KCNH8: variants seen among roughly 807,000 people sequenced by gnomAD.
KCNH8 encodes potassium voltage-gated channel subfamily H member 8, also known as voltage-gated delayed rectifier potassium channel KCNH8.
KCNH8 carries 70 observed loss-of-function variants against 103.6 expected under a neutral mutation model. The observed-to-expected ratio is 0.68, with a 90% CI of 0.56 to 0.82. The LOEUF (loss-of-function observed/expected upper bound fraction) is 0.82, where lower values mean the gene tolerates loss of function less well. Ranked by LOEUF, KCNH8 falls within the 40% of genes least tolerant of loss-of-function variation. KCNH8 has a pLI of 0.00. For synonymous variants in KCNH8, 498 were observed against 489.4 expected, an observed-to-expected ratio of 1.02 and a Z score of -0.23; for missense variants, 1,217 against 1,329.9, an observed-to-expected ratio of 0.92 and a Z score of 1.32.
At chr3:19,252,283 C>A (rs1376732183) in intron 1 of KCNH8, among the ~76,000 whole-genome samples, 3 of 152,162 alleles carry the variant, frequency 2.0e-5, no homozygotes, top group Non-Finnish European at 4.4e-5. Context: ...TATTTCTAAG[C>A]ACTTAATAAT....
intron 2 of KCNH8, among the ~76,000 whole-genome samples, chr3:19,258,947 C>CTCTCTATATA (rs1321918245): frequency 6.9e-4 from 17 of 24,792 alleles, no homozygotes; most frequent in African/African-American, 8.9e-4. Flanking sequence ...CTCTCTCTCT[C>CTCTCTATATA]TATATATATA....
At chr3:19,499,593 G>A (rs2068529060) in intron 11 of KCNH8, among the ~76,000 whole-genome samples, 1 of 152,156 alleles carries the variant, frequency 6.6e-6, no homozygotes, top group African/African-American at 2.4e-5. Context: ...AGATCTCTCG[G>A]CAGAAACTCT....
intron 1 of KCNH8, among the ~76,000 whole-genome samples, chr3:19,183,815 C>T (rs527463628): frequency 2.0e-4 from 30 of 152,144 alleles, no homozygotes; most frequent in African/African-American, 6.3e-4. Flanking sequence ...GAAACTCTAG[C>T]GGTAAGTCAG....
intron 1 of KCNH8, among the ~76,000 whole-genome samples, chr3:19,198,753 A>T (rs2063627295): frequency 6.6e-6 from 1 of 152,082 alleles, no homozygotes; most frequent in South Asian, 2.1e-4. Flanking sequence ...TTTTCTTAAC[A>T]CAAAGGAATG....
At chr3:19,530,349 T>C (rs2069138664) in intron 15 of KCNH8, among the ~76,000 whole-genome samples, 1 of 152,214 alleles carries the variant, frequency 6.6e-6, no homozygotes, top group Admixed American at 6.5e-5. Flanking sequence ...ATAGTGGTTA[T>C]ACTAATTATC....
chr3:19,347,497 C>T (rs987277852), intron 4 of KCNH8, among the ~76,000 whole-genome samples: 5 of 152,064 alleles, frequency 3.3e-5, no homozygotes, highest in Non-Finnish European at 7.4e-5. Flanking sequence ...CTGGGTTACT[C>T]ACTTAGCTTC....
intron 15 of KCNH8, among the ~76,000 whole-genome samples, chr3:19,532,141 G>A (rs1302155928): frequency 2.0e-5 from 3 of 152,090 alleles, no homozygotes; most frequent in Non-Finnish European, 4.4e-5. Flanking sequence ...TGATGTGGTC[G>A]TTACGAAAAT....
intron 11 of KCNH8, among the ~76,000 whole-genome samples, chr3:19,499,938 A>C (rs904434602): frequency 6.6e-6 from 1 of 152,178 alleles, no homozygotes; most frequent in African/African-American, 2.4e-5. Flanking sequence ...CACACATAAC[A>C]ATATTAACTT....
chr3:19,185,940 C>T (rs141460285), intron 1 of KCNH8, among the ~76,000 whole-genome samples: 16 of 152,090 alleles, frequency 1.1e-4, no homozygotes, highest in Admixed American at 9.8e-4. Flanking sequence ...CACATGCACA[C>T]ACATTCATTT....
chr3:19,188,791 A>C (rs993781310), intron 1 of KCNH8, among the ~76,000 whole-genome samples: 6 of 152,050 alleles, frequency 3.9e-5, no homozygotes, highest in African/African-American at 1.2e-4. Flanking sequence ...TGTATTCCAC[A>C]AGTGTTTGTT....
intron 1 of KCNH8, among the ~76,000 whole-genome samples, chr3:19,156,426 G>T (rs1395194845): frequency 1.3e-5 from 2 of 152,062 alleles, no homozygotes; most frequent in Admixed American, 6.5e-5. Context: ...TCTAGCTCTT[G>T]CAAATGAGAT....
chr3:19,319,733 T>A (rs1034025069), intron 3 of KCNH8, among the ~76,000 whole-genome samples: 2 of 152,116 alleles, frequency 1.3e-5, no homozygotes, highest in Admixed American at 1.3e-4. Flanking sequence ...GGAAATTGCA[T>A]TGAATTTGCA....
chr3:19,446,801 A>C (rs2067368811), intron 8 of KCNH8, among the ~76,000 whole-genome samples: 1 of 151,978 alleles, frequency 6.6e-6, no homozygotes, highest in Non-Finnish European at 1.5e-5. Flanking sequence ...AAGAAAAAGG[A>C]GAAAGGAAAT....
chr3:19,296,019 G>C (rs895751887), intron 3 of KCNH8, among the ~76,000 whole-genome samples: 2 of 152,084 alleles, frequency 1.3e-5, no homozygotes, highest in Admixed American at 1.3e-4. Context: ...GAGTCACTAT[G>C]TATCAATCCT....
chr3:19,356,302 A>C (rs946045716), intron 5 of KCNH8, among the ~76,000 whole-genome samples: 2 of 151,782 alleles, frequency 1.3e-5, no homozygotes, highest in African/African-American at 4.8e-5. Flanking sequence ...GCATCTCTCA[A>C]ATTTATTTTT....
intron 11 of KCNH8, among the ~76,000 whole-genome samples, chr3:19,493,844 ATTGT>A (rs1041499239): frequency 3.4e-4 from 51 of 152,110 alleles, no homozygotes; most frequent in African/African-American, 1.1e-3. Context: ...ATTAATATAG[ATTGT>A]TTTATTATAA....
intron 1 of KCNH8, among the ~76,000 whole-genome samples, chr3:19,237,408 G>T (rs140853216): frequency 2.6e-5 from 4 of 152,276 alleles, no homozygotes; most frequent in African/African-American, 7.2e-5. Flanking sequence ...TTCAAAATAT[G>T]ACCTACTCAA....
chr3:19,359,457 A>G (rs1453919751), intron 5 of KCNH8, among the ~76,000 whole-genome samples: 1 of 152,060 alleles, frequency 6.6e-6, no homozygotes, highest in Non-Finnish European at 1.5e-5. Context: ...AAACTAGCAC[A>G]TCAATATTTT....
At chr3:19,286,627 A>T (rs554887064) in intron 3 of KCNH8, among the ~76,000 whole-genome samples, 2 of 152,368 alleles carry the variant, frequency 1.3e-5, no homozygotes, top group African/African-American at 4.8e-5. Flanking sequence ...TAAATTCCTC[A>T]TATAAAATGA....
Sources: gnomAD v4.1 joint callset for allele counts (sites outside exome capture counted in the v4.1 genomes callset) on GRCh38, gnomAD v4.1.1 for gene constraint, MANE v1.5 for transcripts, NCBI Gene and HGNC (gene_info 2026-07-23, HGNC 2026-07-21) for gene names.